Variants in HYCC1 observed in about 807,000 individuals in gnomAD.
The protein encoded by HYCC1 is hyccin.
the HYCC1 span, chr7:23,013,807 G>C: frequency 1.0e-5 from 4 of 384,834 alleles, no homozygotes; most frequent in African/African-American, 8.3e-5. Flanking sequence ...GCGGCCCCAG[G>C]GACAAAGTCC....
At chr7:22,911,325 T>C in the HYCC1 span, among the ~76,000 whole-genome samples, 1 of 152,220 alleles carries the variant, frequency 6.6e-6, no homozygotes, top group African/African-American at 2.4e-5. Flanking sequence ...TAGATTTTTG[T>C]TTTGTTTTTA....
At chr7:22,990,069 G>A in the HYCC1 span, among the ~76,000 whole-genome samples, 1 of 152,126 alleles carries the variant, frequency 6.6e-6, no homozygotes, top group Non-Finnish European at 1.5e-5. Context: ...TTTCAACCCA[G>A]GTGCAGAGAT....
the HYCC1 span, among the ~76,000 whole-genome samples, chr7:22,982,159 T>C: frequency 1.3e-5 from 2 of 152,206 alleles, no homozygotes; most frequent in Non-Finnish European, 2.9e-5. Context: ...GTGAAATATA[T>C]AATTCTAAAC....
At chr7:22,981,806 C>G in the HYCC1 span, among the ~76,000 whole-genome samples, 9 of 152,134 alleles carry the variant, frequency 5.9e-5, no homozygotes, top group African/African-American at 2.2e-4. Flanking sequence ...TGTGTGGTGC[C>G]TCACACATGG....
At chr7:22,929,000 C>T in the HYCC1 span, among the ~76,000 whole-genome samples, 27 of 152,098 alleles carry the variant, frequency 1.8e-4, no homozygotes, top group East Asian at 5.8e-4. Flanking sequence ...GAGATATAGA[C>T]CAATGGAACA....
At chr7:22,985,148 C>T in the HYCC1 span, among the ~76,000 whole-genome samples, 1 of 152,208 alleles carries the variant, frequency 6.6e-6, no homozygotes, top group East Asian at 1.9e-4. Flanking sequence ...GATACCATGT[C>T]TCAGGATATT....
At chr7:22,962,386 C>T in the HYCC1 span, among the ~76,000 whole-genome samples, 1 of 152,038 alleles carries the variant, frequency 6.6e-6, no homozygotes, top group Non-Finnish European at 1.5e-5. Flanking sequence ...AGAAACAGGG[C>T]AGGTCAGAGA....
the HYCC1 span, among the ~76,000 whole-genome samples, chr7:22,950,264 C>G: frequency 4.6e-5 from 7 of 151,968 alleles, no homozygotes; most frequent in African/African-American, 1.7e-4. Context: ...CCACGTTTCA[C>G]ATACCCTCTT....
the HYCC1 span, among the ~76,000 whole-genome samples, chr7:22,948,059 A>C: frequency 6.6e-6 from 1 of 152,086 alleles, no homozygotes. Flanking sequence ...CAAAACTCCT[A>C]ACTAGTTAAT....
the HYCC1 span, among the ~76,000 whole-genome samples, chr7:22,975,122 A>T: frequency 6.6e-6 from 1 of 152,150 alleles, no homozygotes; most frequent in African/African-American, 2.4e-5. Flanking sequence ...AAATTCCTCA[A>T]ATAGAAATTA....
the HYCC1 span, among the ~76,000 whole-genome samples, chr7:22,903,671 G>A: frequency 2.6e-5 from 4 of 152,158 alleles, no homozygotes; most frequent in Non-Finnish European, 4.4e-5. Context: ...AAAATTTTCA[G>A]AAAATAAAGC....
At chr7:22,915,545 C>T in the HYCC1 span, among the ~76,000 whole-genome samples, 1 of 152,224 alleles carries the variant, frequency 6.6e-6, no homozygotes, top group Non-Finnish European at 1.5e-5. Flanking sequence ...GCCCAAGGCT[C>T]TCTGACTGAC....
At chr7:22,988,819 T>C in the HYCC1 span, among the ~76,000 whole-genome samples, 4 of 152,208 alleles carry the variant, frequency 2.6e-5, no homozygotes, top group Admixed American at 2.0e-4. Context: ...TTGCTCAATG[T>C]AACCAATCTA....
At chr7:22,996,704 G>C in the HYCC1 span, among the ~76,000 whole-genome samples, 1 of 149,346 alleles carries the variant, frequency 6.7e-6, no homozygotes, top group Non-Finnish European at 1.5e-5. Context: ...AGGACAAAAA[G>C]CAAACTGGCC....
At chr7:22,964,506 G>A in the HYCC1 span, 1 of 1,605,114 alleles carries the variant, frequency 6.2e-7, no homozygotes, top group Non-Finnish European at 8.5e-7. Context: ...CTTACATGTT[G>A]TCGAGGATAT....
the HYCC1 span, among the ~76,000 whole-genome samples, chr7:22,922,599 T>C: frequency 3.9e-5 from 6 of 152,210 alleles, no homozygotes; most frequent in African/African-American, 2.4e-5. Context: ...TTTCACACCA[T>C]TGTAAAGTTA....
chr7:22,962,533 C>T, the HYCC1 span, among the ~76,000 whole-genome samples: 1 of 151,314 alleles, frequency 6.6e-6, no homozygotes, highest in Non-Finnish European at 1.5e-5. Flanking sequence ...CAATCCCTTT[C>T]ACCCCCCAGC....
the HYCC1 span, among the ~76,000 whole-genome samples, chr7:22,992,817 A>G: frequency 6.6e-6 from 1 of 152,142 alleles, no homozygotes; most frequent in Admixed American, 6.6e-5. Context: ...GGGGAGGTAA[A>G]ATTTTTACAA....
chr7:22,982,636 C>G, the HYCC1 span, among the ~76,000 whole-genome samples: 1 of 152,148 alleles, frequency 6.6e-6, no homozygotes, highest in Non-Finnish European at 1.5e-5. Context: ...TACCTCTTTC[C>G]ACTCCTCCTG....
Sources: allele counts gnomAD v4.1 joint callset (sites outside exome capture counted in the v4.1 genomes callset), GRCh38; gene constraint gnomAD v4.1.1; transcripts MANE v1.5; gene names NCBI Gene and HGNC (gene_info 2026-07-23, HGNC 2026-07-21).